Variants in NHSL2 observed in about 807,000 individuals in gnomAD.
NHSL2 encodes NHS like 2.
A neutral mutation model predicts 53.4 loss-of-function variants in NHSL2; 27 were observed. The ratio of observed to expected loss-of-function variants is 0.51; its 90% confidence interval spans 0.37 to 0.70. The LOEUF (loss-of-function observed/expected upper bound fraction) is 0.70, where lower values mean the gene tolerates loss of function less well. Ranked by LOEUF, NHSL2 falls within the 30% of genes least tolerant of loss-of-function variation. The pLI, the probability that NHSL2 is intolerant of heterozygous loss-of-function variation, is 0.00. For synonymous variants in NHSL2, 408 were observed against 404.1 expected (o/e 1.01, Z -0.12); for missense variants, 892 against 980.1 (o/e 0.91, Z 1.20).
chrX:72,134,817 C>T, intron 4 of NHSL2, 113 bp downstream of exon 4: 2 of 568,294 alleles, frequency 3.5e-6, no homozygotes, highest in Non-Finnish European at 5.6e-6. Flanking sequence ...GCTACCGGCT[C>T]ACCTTGCGCT....
chrX:72,031,835 G>A (rs993379127), intron 1 of NHSL2, among the ~76,000 whole-genome samples: 7 of 109,778 alleles, frequency 6.4e-5, no homozygotes, highest in Non-Finnish European at 7.6e-5. Context: ...TGCAATTTTA[G>A]ACTCAAGGGA....
intron 1 of NHSL2, among the ~76,000 whole-genome samples, chrX:72,103,121 T>G (rs1270744831): frequency 8.9e-6 from 1 of 112,267 alleles, no homozygotes; most frequent in Non-Finnish European, 1.9e-5. Flanking sequence ...CCCTCCCTAG[T>G]GGCAGCTATC....
intron 1 of NHSL2, among the ~76,000 whole-genome samples, chrX:71,948,851 G>GTTT (rs142631162): frequency 5.5e-5 from 5 of 90,235 alleles, no homozygotes; most frequent in Non-Finnish European, 6.4e-5. Flanking sequence ...ATGTAGTTTT[G>GTTT]TTTTTTTTTT....
intron 1 of NHSL2, among the ~76,000 whole-genome samples, chrX:72,020,040 G>A (rs951036617): frequency 2.7e-5 from 3 of 112,147 alleles, no homozygotes; most frequent in African/African-American, 9.7e-5. Context: ...ACTATCTGCA[G>A]CACAAAAGTC....
Position 72,129,738 on chromosome X carries a change from C to A in NHSL2, c.281-2341C>A, listed in dbSNP as rs144289234. ...CTGCAGGTCTGAAACTCCCTGAAGT[C>A]CTGGTCAGCAAATGGGGCAGGTATG... On this transcript the variant is annotated intron_variant, in intron 1 of 7. Coordinates refer to ENST00000633930, the MANE Select transcript of NHSL2 (RefSeq NM_001013627.3). 1.1e-3 allele frequency: 939 copies of A among 882,732 alleles called. 8 individuals are homozygous for A. In the East Asian group the frequency reaches 0.023, roughly 22 times the overall value. The allele number at this position is 882,732 out of a possible 1,213,427, so 72.7% of individuals were successfully genotyped here.
chrX:71,955,433 C>G (rs2041838779), intron 1 of NHSL2, among the ~76,000 whole-genome samples: 1 of 109,660 alleles, frequency 9.1e-6, no homozygotes, highest in Non-Finnish European at 1.9e-5. Context: ...ATCACTCTCT[C>G]TTTGTGCAGT....
chrX:72,000,372 T>A (rs1166396708), intron 1 of NHSL2, among the ~76,000 whole-genome samples: 1 of 112,285 alleles, frequency 8.9e-6, no homozygotes, highest in East Asian at 2.8e-4. Context: ...TAAGGTCAAG[T>A]ATTGGTATAC....
intron 1 of NHSL2, among the ~76,000 whole-genome samples, chrX:72,058,564 C>T (rs1347529671): frequency 2.7e-5 from 3 of 111,706 alleles, no homozygotes; most frequent in African/African-American, 6.5e-5. Context: ...AGGATGGTCT[C>T]GATCTATTGA....
Position 72,040,144 on chromosome X carries a change from G to A in NHSL2, c.281-91935G>A, listed in dbSNP as rs140002712. On this transcript the variant is annotated intron_variant, in intron 1 of 7. Transcript: ENST00000633930. ...AATTGAGTTTATCTCTCTCTTTGGG[G>A]TTTTGTTGACCATCCTGTAACAGGA... Among the ~76,000 whole-genome samples, 120 of 112,032 alleles carry A rather than the reference G, an allele frequency of 1.1e-3. 3 individuals are homozygous for A. The East Asian group carries it at 0.028, about 26-fold the overall frequency.
chrX:71,952,097 C>T (rs1188974483), intron 1 of NHSL2, among the ~76,000 whole-genome samples: 1 of 112,174 alleles, frequency 8.9e-6, no homozygotes. Context: ...ACCAAAAACA[C>T]CCTATTTTGT....
intron 1 of NHSL2, among the ~76,000 whole-genome samples, chrX:72,008,995 G>A (rs759963179): frequency 1.3e-4 from 15 of 112,089 alleles, no homozygotes; most frequent in African/African-American, 4.2e-4. Flanking sequence ...AGTCCACAAG[G>A]TCCTGCATAA....
intron 1 of NHSL2, among the ~76,000 whole-genome samples, chrX:71,990,282 C>G (rs1384368834): frequency 5.4e-5 from 6 of 111,801 alleles, no homozygotes; most frequent in Non-Finnish European, 1.1e-4. Context: ...ATTTTCCATA[C>G]TGAGGAAGGA....
At chrX:72,123,868 C>T (rs2042200943) in intron 1 of NHSL2, among the ~76,000 whole-genome samples, 1 of 110,816 alleles carries the variant, frequency 9.0e-6, no homozygotes, top group Middle Eastern at 4.8e-3. Context: ...CGAGGGGCCC[C>T]GCTCTACCCC....
chrX:72,107,419 A>G (rs1430851312), intron 1 of NHSL2, among the ~76,000 whole-genome samples: 1 of 112,437 alleles, frequency 8.9e-6, no homozygotes, highest in Non-Finnish European at 1.9e-5. Context: ...GTAGGCAGGG[A>G]GTTCCACGGT....
At chrX:72,092,561 C>G (rs1243206109) in intron 1 of NHSL2, among the ~76,000 whole-genome samples, 1 of 111,569 alleles carries the variant, frequency 9.0e-6, no homozygotes, top group East Asian at 2.8e-4. Context: ...CATTTGTGAC[C>G]TAAAGAACAG....
Position 71,951,005 on chromosome X carries a change from T to TACACACACACACACACACACAC in NHSL2, c.280+39652_280+39673dup, listed in dbSNP as rs10527333. Among the ~76,000 whole-genome samples the TACACACACACACACACACACAC allele has an allele frequency of 2.9e-3, 256 of 89,753 alleles. 3 individuals carry two copies. Among genetic ancestry groups the TACACACACACACACACACACAC allele is most frequent in the African/African-American group, 8.7e-3 (203 of 23,446 alleles). The allele number at this position is 89,753 out of a possible 115,157, so 77.9% of individuals were successfully genotyped here. On this transcript the variant is annotated intron_variant, in intron 1 of 7. Coordinates refer to ENST00000633930, the MANE Select transcript of NHSL2 (RefSeq NM_001013627.3). ...CATATTTGGACCCCAAAATACAAAATACACACACACACACACACACACACA... is the reference window on the plus strand; with the variant it reads ...CATATTTGGACCCCAAAATACAAAATACACACACACACACACACACACACACACACACACACACACACACACA...
chrX:72,045,473 C>T (rs1379201243), intron 1 of NHSL2, among the ~76,000 whole-genome samples: 1 of 103,406 alleles, frequency 9.7e-6, no homozygotes, highest in Non-Finnish European at 2.0e-5. Flanking sequence ...ACCAGCCCCT[C>T]GTGGCAGGGG....
intron 1 of NHSL2, among the ~76,000 whole-genome samples, chrX:72,062,399 T>C (rs767100302): frequency 8.9e-6 from 1 of 112,578 alleles, no homozygotes; most frequent in Admixed American, 9.4e-5. Context: ...TACATAAATA[T>C]GTATATATGG....
intron 1 of NHSL2, among the ~76,000 whole-genome samples, chrX:72,082,827 G>A (rs753714696): frequency 8.2e-4 from 92 of 112,390 alleles, no homozygotes; most frequent in African/African-American, 1.1e-3. Flanking sequence ...GCTGAAGAGC[G>A]CAGCAGTTTG....
Sources: allele counts gnomAD v4.1 joint callset (sites outside exome capture counted in the v4.1 genomes callset), GRCh38; gene constraint gnomAD v4.1.1; transcripts MANE v1.5; gene names NCBI Gene and HGNC (gene_info 2026-07-23, HGNC 2026-07-21).